The following SMG1 variants were observed in gnomAD, a reference collection of about 807,000 sequenced individuals.
SMG1 encodes the protein serine/threonine-protein kinase SMG1.
In SMG1, 22 loss-of-function variants were observed where a neutral mutation model predicts 419.9. The observed-to-expected ratio is 0.05, with a 90% CI of 0.04 to 0.07. The LOEUF (loss-of-function observed/expected upper bound fraction) is 0.07. Ranked by LOEUF, SMG1 falls within the 10% of genes least tolerant of loss-of-function variation. The pLI, the probability that SMG1 is intolerant of heterozygous loss-of-function variation, is 1.00. For missense variants in SMG1, 3,185 were observed against 4,342.0 expected, an observed-to-expected ratio of 0.73 and a Z score of 7.49; for synonymous variants, 1,538 against 1,553.5, an observed-to-expected ratio of 0.99 and a Z score of 0.23.
chr16:18,908,952 TGATAAA>T (rs1348355593), intron 1 of SMG1, among the ~76,000 whole-genome samples: 3 of 152,190 alleles, frequency 2.0e-5, no homozygotes, highest in Non-Finnish European at 2.9e-5. Flanking sequence ...GTAGTTATTC[TGATAAA>T]GTTCCTTTAG....
Position 18,828,099 on chromosome 16 carries a change from T to C in SMG1, c.9673A>G (p.Ile3225Val), listed in dbSNP as rs776612893. Reference sequence around the variant, plus strand: ...AGCTTCTTTTTCATGCTGGTTAGGATAGCAGACCGTGGGGGAGGTGTGACT... The same window carrying C: ...AGCTTCTTTTTCATGCTGGTTAGGACAGCAGACCGTGGGGGAGGTGTGACT... Reference protein sequence around the residue: ...MSVTPPPRSAILTSMKKKLHT... With the variant: ...MSVTPPPRSAVLTSMKKKLHT... The change falls in exon 55 of 63, where the codon ATC becomes GTC. Residue 3225 changes from isoleucine to valine, a missense_variant. By Grantham distance (29) the Ile-to-Val change is conservative. Around this residue, in one of 27 missense-constraint regions of SMG1, gnomAD observed 737 missense variants for 846.6 expected, o/e 0.87. Transcript: ENST00000446231. 6 of 1,613,696 alleles carry C rather than the reference T, an allele frequency of 3.7e-6. No individual in the cohort carries two copies. The highest frequency in any genetic ancestry group is 1.6e-4 in the Middle Eastern group (1 of 6,062).
At chr16:18,852,498 G>T (rs1318155135) in intron 31 of SMG1, 36 bp from the exon 32 acceptor site, 3 of 1,441,978 alleles carry the variant, frequency 2.1e-6, no homozygotes, top group Non-Finnish European at 2.8e-6. Context: ...TATAATAAAA[G>T]AACTCAACAA....
At chr16:18,870,425 A>C (rs1446744204) in intron 18 of SMG1, among the ~76,000 whole-genome samples, 185 bp downstream of exon 18, 1 of 152,228 alleles carries the variant, frequency 6.6e-6, no homozygotes, top group Non-Finnish European at 1.5e-5. Context: ...GCTCATTAAA[A>C]ATTTTTAATT....
chr16:18,917,569 C>G (rs975755797), intron 1 of SMG1, among the ~76,000 whole-genome samples: 3 of 151,866 alleles, frequency 2.0e-5, no homozygotes, highest in Non-Finnish European at 4.4e-5. Context: ...TGCACGCACT[C>G]TAACACACAC....
intron 1 of SMG1, among the ~76,000 whole-genome samples, chr16:18,923,813 T>G (rs573467920): frequency 1.3e-5 from 2 of 152,300 alleles, no homozygotes; most frequent in Admixed American, 1.3e-4. Context: ...TCAAGATCCG[T>G]TCTGTCAGTT....
At chr16:18,816,674 G>C in intron 57 of SMG1, 145 bp from the exon 58 acceptor site, 1 of 639,304 alleles carries the variant, frequency 1.6e-6, no homozygotes, top group Non-Finnish European at 2.7e-6. Context: ...TTACCTACAA[G>C]TTACTTAACA....
At chr16:18,817,179 C>G in intron 57 of SMG1, 112 bp downstream of exon 57, 4 of 871,046 alleles carry the variant, frequency 4.6e-6, no homozygotes, top group East Asian at 3.3e-5. Flanking sequence ...CCCTAACAAC[C>G]TCTTACATAC....
chr16:18,835,864 A>T, intron 48 of SMG1, 69 bp downstream of exon 48: 1 of 1,449,370 alleles, frequency 6.9e-7, no homozygotes, highest in Non-Finnish European at 9.3e-7. Flanking sequence ...ATGCCACCAC[A>T]CTCCAGCCTG....
chr16:18,888,411 T>G (rs553645164), intron 6 of SMG1, among the ~76,000 whole-genome samples: 1 of 151,382 alleles, frequency 6.6e-6, no homozygotes, highest in South Asian at 2.1e-4. Context: ...ATTTTCAAAT[T>G]TGCAAATCAT....
chr16:18,879,247 CTAG>C, intron 11 of SMG1: 2 of 479,576 alleles, frequency 4.2e-6, no homozygotes, highest in Non-Finnish European at 7.7e-6. Flanking sequence ...TCCCGAGTAG[CTAG>C]GACTACAGGT....
At chr16:18,854,940 T>G (rs769656483) in intron 29 of SMG1, 36 bp from the exon 30 acceptor site, 1 of 1,591,350 alleles carries the variant, frequency 6.3e-7, no homozygotes, top group South Asian at 1.1e-5. Flanking sequence ...GTTCCTAATT[T>G]GTCTAAACCA....
At chr16:18,882,120 C>T in intron 10 of SMG1, 45 bp downstream of exon 10, 1 of 1,402,534 alleles carries the variant, frequency 7.1e-7, no homozygotes, top group Non-Finnish European at 9.5e-7. Flanking sequence ...CAGTGTAAAA[C>T]AATTTTATTT....
chr16:18,814,117 C>A (rs2141092569), intron 60 of SMG1, among the ~76,000 whole-genome samples: 2 of 145,752 alleles, frequency 1.4e-5, no homozygotes, highest in South Asian at 2.2e-4. Context: ...AATAAATTGG[C>A]CATTAAGTCA....
chr16:18,870,415 G>A (rs1001711105), intron 18 of SMG1, among the ~76,000 whole-genome samples, 195 bp downstream of exon 18: 13 of 152,168 alleles, frequency 8.5e-5, no homozygotes, highest in African/African-American at 2.9e-4. Context: ...AGCCTATAAA[G>A]CTCATTAAAA....
At chr16:18,917,953 A>C (rs1412984160) in intron 1 of SMG1, among the ~76,000 whole-genome samples, 1 of 151,696 alleles carries the variant, frequency 6.6e-6, no homozygotes, top group African/African-American at 2.4e-5. Flanking sequence ...ATGATTCCCT[A>C]AAGTCACTCC....
chr16:18,850,757 T>C (rs529934491), intron 33 of SMG1, among the ~76,000 whole-genome samples: 15 of 148,982 alleles, frequency 1.0e-4, no homozygotes, highest in African/African-American at 3.1e-4. Context: ...CCTGCAGAAA[T>C]TTTTTTTTCC....
rs2036915521 is a variant in SMG1, at chr16:18,892,206, TA to T, written c.549+11del. 6.6e-7 allele frequency: 1 copy of T among 1,505,696 alleles called. No homozygotes were observed. 93.3% of individuals were successfully genotyped at this position (1,505,696 alleles called of 1,614,324 possible). A position where few individuals can be genotyped will look rare whatever the true frequency, so the allele number is the denominator to read the frequency against. On this transcript the variant is annotated intron_variant, in intron 4 of 62. Coordinates refer to ENST00000446231, the MANE Select transcript of SMG1 (RefSeq NM_015092.5). ...ACAAAAATCCTCATATTTCCAAACA[TA>T]CTATACTTACCAGCTTATTTTCTGG...
chr16:18,828,998 CAAA>C (rs5816012), intron 54 of SMG1, among the ~76,000 whole-genome samples: 6 of 122,370 alleles, frequency 4.9e-5, no homozygotes, highest in Admixed American at 8.4e-5. Flanking sequence ...AACTCCATCT[CAAA>C]AAAAAAAAAA....
intron 1 of SMG1, among the ~76,000 whole-genome samples, chr16:18,924,371 C>T (rs1260913799): frequency 6.6e-6 from 1 of 152,180 alleles, no homozygotes; most frequent in Non-Finnish European, 1.5e-5. Flanking sequence ...TTACACTTTT[C>T]CAAAAGCTGT....
Sources: allele counts gnomAD v4.1 joint callset (sites outside exome capture counted in the v4.1 genomes callset), GRCh38; gene constraint gnomAD v4.1.1; regional missense constraint gnomAD v4.1.1; transcripts MANE v1.5; gene names NCBI Gene and HGNC (gene_info 2026-07-23, HGNC 2026-07-21).